The following WWP2 variants were observed in gnomAD, a reference collection of about 807,000 sequenced individuals.
WWP2 encodes the protein WW domain containing E3 ubiquitin protein ligase 2, also known as NEDD4-like E3 ubiquitin-protein ligase WWP2.
WWP2 carries 57 observed loss-of-function variants against 121.0 expected under a neutral mutation model. The observed-to-expected ratio is 0.47, with a 90% CI of 0.38 to 0.59. The LOEUF is 0.59. Ranked by LOEUF, WWP2 falls within the 20% of genes least tolerant of loss-of-function variation. The pLI, the probability that WWP2 is intolerant of heterozygous loss-of-function variation, is 0.00. For missense variants in WWP2, 962 were observed against 1,158.9 expected (o/e 0.83, Z 2.47); for synonymous variants, 449 against 441.3 (o/e 1.02, Z -0.22).
In WWP2 at chr16:69,927,661, G is replaced by A. The variant is rs563165284; in HGVS notation, c.1235-1787G>A. Among the ~76,000 whole-genome samples, 9 of 152,364 alleles carry A rather than the reference G, an allele frequency of 5.9e-5. No individual in the cohort carries two copies. The South Asian group carries it at 1.9e-3, about 32-fold the overall frequency. ...AGCCTTGGCTTTGGCCCTTAACAGG[G>A]CAGACGTGGAGGATCTAGTTCAAAG... is the stretch of plus-strand genomic sequence containing the variant. On this transcript the variant is annotated intron_variant, in intron 11 of 23. Coordinates refer to ENST00000359154, the MANE Select transcript of WWP2 (RefSeq NM_001270454.2).
intron 4 of WWP2, among the ~76,000 whole-genome samples, chr16:69,806,753 T>G (rs12927168): frequency 0.38 from 57,828 of 151,972 alleles, 12,964 homozygotes; most frequent in Non-Finnish European, 0.51. Flanking sequence ...ACTTTAAATT[T>G]TTGCTATTTG....
chr16:69,871,992 G>A (rs938424100), intron 7 of WWP2, 61 bp downstream of exon 7: 66 of 1,556,116 alleles, frequency 4.2e-5, no homozygotes, highest in Non-Finnish European at 4.8e-5. Flanking sequence ...CCGTTCTAAC[G>A]TGGACACGGG....
intron 7 of WWP2, among the ~76,000 whole-genome samples, chr16:69,873,634 C>T (rs2151919123): frequency 6.6e-6 from 1 of 152,328 alleles, no homozygotes; most frequent in East Asian, 1.9e-4. Context: ...TATAGAGAAC[C>T]ATAGGCAGCT....
At chr16:69,787,804 C>A (rs2055824580) in intron 2 of WWP2, 2 of 152,188 alleles carry the variant, frequency 1.3e-5, no homozygotes, top group African/African-American at 4.8e-5. Flanking sequence ...TAGTAAACAT[C>A]TAAAATTTAG....
intron 8 of WWP2, among the ~76,000 whole-genome samples, chr16:69,888,853 C>CTG (rs2057975473): frequency 6.6e-6 from 1 of 152,122 alleles, no homozygotes; most frequent in Admixed American, 6.5e-5. Flanking sequence ...TACAGGTGCA[C>CTG]ACCACCACAC....
At chr16:69,796,621 C>T (rs1047844422) in intron 2 of WWP2, among the ~76,000 whole-genome samples, 1 of 152,230 alleles carries the variant, frequency 6.6e-6, no homozygotes, top group African/African-American at 2.4e-5. Context: ...TAAAGTCAAA[C>T]GTCCTAAGTA....
At chr16:69,834,982 T>C (rs1311908924) in intron 4 of WWP2, among the ~76,000 whole-genome samples, 1 of 152,074 alleles carries the variant, frequency 6.6e-6, no homozygotes, top group Non-Finnish European at 1.5e-5. Context: ...GTCACTAGAA[T>C]AGTAGGTGCT....
chr16:69,940,048 C>CACACAGGGCCACA lies in WWP2; in HGVS notation c.*108_*109insACACAGGGCCACA. 1 of 853,402 alleles carries CACACAGGGCCACA rather than the reference C, an allele frequency of 1.2e-6. No homozygotes were observed. Among genetic ancestry groups the CACACAGGGCCACA allele is most frequent in the Non-Finnish European group, 1.8e-6 (1 of 552,120 alleles). The allele number at this position is 853,402 out of a possible 1,614,324, so 52.9% of individuals were successfully genotyped here. On this transcript the variant is annotated 3_prime_UTR_variant, in exon 24 of 24. Transcript: ENST00000359154. ...TTGGGAGGCCCCCGTGGATGTGGCCCTGTGTGGGACCACACTGTCATCTCG... is the reference window on the plus strand; with the variant it reads ...TTGGGAGGCCCCCGTGGATGTGGCCCACACAGGGCCACATGTGTGGGACCACACTGTCATCTCG...
In WWP2 at chr16:69,941,260, A is replaced by G. The variant is rs1367420609; in HGVS notation, c.*1320A>G. 6.5e-6 allele frequency: 1 copy of G among 152,786 alleles called. No individual in the cohort carries two copies. Among genetic ancestry groups the G allele is most frequent in the Non-Finnish European group, 1.5e-5 (1 of 68,090 alleles). The allele number at this position is 152,786 out of a possible 1,614,324, so 9.5% of individuals were successfully genotyped here. A position where few individuals can be genotyped will look rare whatever the true frequency, so the allele number is the denominator to read the frequency against. On this transcript the variant is annotated 3_prime_UTR_variant, in exon 24 of 24. Transcript: ENST00000359154. ...CCATGCCCCACCGGGGTGCTGGGGCAGTAGTCATGGCAGACTCCCGGCCTG... is the reference window on the plus strand; with the variant it reads ...CCATGCCCCACCGGGGTGCTGGGGCGGTAGTCATGGCAGACTCCCGGCCTG...
chr16:69,795,259 TACAC>T (rs10578834), intron 2 of WWP2, among the ~76,000 whole-genome samples: 5,768 of 93,060 alleles, frequency 0.062, 316 homozygotes, highest in African/African-American at 0.13. Flanking sequence ...AAAATGCGGA[TACAC>T]ACACACACAC....
At chr16:69,862,660 A>C (rs1259837686) in intron 6 of WWP2, among the ~76,000 whole-genome samples, 1 of 151,082 alleles carries the variant, frequency 6.6e-6, no homozygotes, top group Non-Finnish European at 1.5e-5. Context: ...CTCTTTTACC[A>C]AGATAGAAAA....
intron 6 of WWP2, among the ~76,000 whole-genome samples, chr16:69,846,989 G>C (rs961720965): frequency 6.6e-6 from 1 of 152,148 alleles, no homozygotes; most frequent in Non-Finnish European, 1.5e-5. Flanking sequence ...AAAATCCTGG[G>C]CTCCAGGGAT....
At chr16:69,923,189 C>T (rs990877864) in intron 10 of WWP2, among the ~76,000 whole-genome samples, 3 of 151,984 alleles carry the variant, frequency 2.0e-5, no homozygotes, top group Admixed American at 6.5e-5. Context: ...GGCACCCGGC[C>T]GCCATGACTC....
chr16:69,823,450 G>T (rs972946694), intron 4 of WWP2, among the ~76,000 whole-genome samples: 24 of 151,460 alleles, frequency 1.6e-4, no homozygotes, highest in Non-Finnish European at 3.4e-4. Flanking sequence ...CAAATTTTTT[G>T]ATTTAAATTT....
At chr16:69,784,346 C>T (rs1020282485) in intron 1 of WWP2, among the ~76,000 whole-genome samples, 11 of 152,088 alleles carry the variant, frequency 7.2e-5, no homozygotes, top group East Asian at 1.9e-4. Context: ...GTGATCCACC[C>T]GCCTTGGCCT....
At chr16:69,892,370 G>A (rs1018429807) in intron 8 of WWP2, among the ~76,000 whole-genome samples, 50 of 151,078 alleles carry the variant, frequency 3.3e-4, no homozygotes, top group Non-Finnish European at 5.6e-4. Context: ...ACAGGCCCCG[G>A]TGTGTGGTGT....
At chr16:69,887,586 A>G (rs769421139) in intron 7 of WWP2, among the ~76,000 whole-genome samples, 3 of 152,038 alleles carry the variant, frequency 2.0e-5, no homozygotes, top group Non-Finnish European at 2.9e-5. Flanking sequence ...TTGTATTTTT[A>G]GCAGAGACGG....
At chr16:69,895,725 C>A (rs1409896093) in intron 8 of WWP2, among the ~76,000 whole-genome samples, 2 of 152,144 alleles carry the variant, frequency 1.3e-5, no homozygotes, top group African/African-American at 4.8e-5. Context: ...AAGTCACTGC[C>A]CTTCAGCCTG....
chr16:69,892,781 G>T (rs1002868238), intron 8 of WWP2, among the ~76,000 whole-genome samples: 34 of 152,174 alleles, frequency 2.2e-4, no homozygotes, highest in Non-Finnish European at 7.3e-5. Context: ...CAATCCTCCT[G>T]CCTTGGCCTT....
Sources: gnomAD v4.1 joint callset for allele counts (sites outside exome capture counted in the v4.1 genomes callset) on GRCh38, gnomAD v4.1.1 for gene constraint, MANE v1.5 for transcripts, NCBI Gene and HGNC (gene_info 2026-07-23, HGNC 2026-07-21) for gene names.